The following TNRC18 variants were observed in gnomAD, a reference collection of about 807,000 sequenced individuals.
The protein encoded by TNRC18 is trinucleotide repeat-containing gene 18 protein.
In TNRC18, 69 loss-of-function variants were observed where a neutral mutation model predicts 226.7. The ratio of observed to expected loss-of-function variants is 0.30; its 90% confidence interval spans 0.25 to 0.37. TNRC18 has a LOEUF of 0.37. TNRC18 is among the 10% of genes least tolerant of loss of function. The pLI, the probability that TNRC18 is intolerant of heterozygous loss-of-function variation, is 1.00. For missense variants in TNRC18, 4,754 were observed against 4,256.6 expected (o/e 1.12, Z -3.25); for synonymous variants, 2,449 against 1,927.6 (o/e 1.27, Z -7.09).
intron 11 of TNRC18, among the ~76,000 whole-genome samples, chr7:5,368,707 G>A (rs1357470756): frequency 2.0e-5 from 3 of 151,694 alleles, no homozygotes; most frequent in Admixed American, 1.3e-4. Flanking sequence ...AAAAGGGCAG[G>A]GCAGGTTACA....
intron 21 of TNRC18, among the ~76,000 whole-genome samples, chr7:5,321,935 T>TTGATTGGGCTCAC (rs1444116809): frequency 6.6e-6 from 1 of 151,820 alleles, no homozygotes; most frequent in Non-Finnish European, 1.5e-5. Flanking sequence ...GCCTCCCAAG[T>TTGATTGGGCTCAC]ACTGGGATTA....
intron 15 of TNRC18, among the ~76,000 whole-genome samples, chr7:5,357,511 A>G (rs1032519185): frequency 1.3e-5 from 2 of 152,032 alleles, no homozygotes; most frequent in Non-Finnish European, 2.9e-5. Flanking sequence ...TCCCAGGTCC[A>G]AGCATTTCTC....
intron 2 of TNRC18, chr7:5,420,647 C>G (rs1030775896): frequency 6.0e-5 from 28 of 464,970 alleles, no homozygotes; most frequent in Middle Eastern, 3.2e-4. Context: ...GGCCCACGAG[C>G]GCCAAAAGTA....
chr7:5,343,347 G>A (rs903590328), intron 18 of TNRC18, among the ~76,000 whole-genome samples: 7 of 152,044 alleles, frequency 4.6e-5, no homozygotes, highest in Admixed American at 6.6e-5. Context: ...AAGCGAGACC[G>A]TATCTCAAAA....
At chr7:5,417,426 C>G (rs1053231691) in intron 2 of TNRC18, among the ~76,000 whole-genome samples, 1 of 152,068 alleles carries the variant, frequency 6.6e-6, no homozygotes, top group East Asian at 1.9e-4. Flanking sequence ...GCTGAGATCA[C>G]GCTATTGCAT....
chr7:5,320,692 A>G, intron 22 of TNRC18, 85 bp from the exon 23 acceptor site: 1 of 1,167,954 alleles, frequency 8.6e-7, no homozygotes, highest in South Asian at 1.4e-5. Flanking sequence ...ACTGCCTCCT[A>G]GACCACTGGG....
chr7:5,310,975 C>CATGCACGTGCATGG (rs975527135), intron 27 of TNRC18, among the ~76,000 whole-genome samples: 2 of 152,316 alleles, frequency 1.3e-5, no homozygotes, highest in Non-Finnish European at 2.9e-5. Context: ...TACTCGTGTG[C>CATGCACGTGCATGG]ATGCACGTGC....
chr7:5,398,266 G>A (rs993377292), intron 2 of TNRC18, among the ~76,000 whole-genome samples: 6 of 152,070 alleles, frequency 3.9e-5, no homozygotes, highest in African/African-American at 1.4e-4. Flanking sequence ...CGCCACCCGG[G>A]TTCAAGTGTT....
rs1452827108 is a variant in TNRC18 at position 5,388,631 on chromosome 7, C to T, written c.1193G>A (p.Arg398Gln). 10 of 1,277,982 alleles carry T rather than the reference C, an allele frequency of 7.8e-6. No individual in the cohort carries two copies. Among genetic ancestry groups the T allele is most frequent in the African/African-American group, 1.6e-5 (1 of 62,638 alleles). The allele number at this position is 1,277,982 out of a possible 1,614,324, so 79.2% of individuals were successfully genotyped here. The change falls in exon 5 of 30, where the codon CGG (arginine) becomes CAG (glutamine). Residue 398 changes from arginine to glutamine, a missense_variant. Physicochemically the swap from Arg to Gln is conservative, Grantham distance 43. Coordinates refer to ENST00000430969, the MANE Select transcript of TNRC18 (RefSeq NM_001080495.3). ...CCTGCCAGCCTCGCGCTCGCGGGCC[C>T]GGGCATCGCGCGCCTGGGATGCGAT... ...IQIASQARDARAREREAGRPG... is the reference protein window; with the variant it reads ...IQIASQARDAQAREREAGRPG...
At chr7:5,345,517 G>GGGGGGGGGCCCCCCCCCC in intron 18 of TNRC18, 45 bp downstream of exon 18, 1 of 377,738 alleles carries the variant, frequency 2.6e-6, no homozygotes, top group Non-Finnish European at 4.8e-6. Flanking sequence ...AATGGCGTCC[G>GGGGGGGGGCCCCCCCCCC]CCCCTCCCAC....
chr7:5,316,362 C>A (rs1179413403), intron 24 of TNRC18, among the ~76,000 whole-genome samples: 3 of 150,484 alleles, frequency 2.0e-5, no homozygotes, highest in African/African-American at 7.3e-5. Flanking sequence ...TCGCCGCAAC[C>A]TCCGCCTCCC....
At chr7:5,311,550 G>A (rs1191339499) in intron 27 of TNRC18, among the ~76,000 whole-genome samples, 3 of 152,172 alleles carry the variant, frequency 2.0e-5, no homozygotes, top group African/African-American at 7.2e-5. Flanking sequence ...GTCAGGCCCC[G>A]CACCTGGAAT....
chr7:5,340,457 T>C (rs1037078188), intron 18 of TNRC18, among the ~76,000 whole-genome samples: 8 of 152,004 alleles, frequency 5.3e-5, no homozygotes, highest in African/African-American at 1.2e-4. Flanking sequence ...AAGCTATCAG[T>C]TGGGCACGGT....
intron 5 of TNRC18, among the ~76,000 whole-genome samples, chr7:5,380,218 G>C (rs1220768869): frequency 2.6e-5 from 4 of 152,174 alleles, no homozygotes. Flanking sequence ...GGCCGAGGTG[G>C]GAGGATCACT....
At chr7:5,344,483 C>T (rs1240875529) in intron 18 of TNRC18, among the ~76,000 whole-genome samples, 1 of 152,142 alleles carries the variant, frequency 6.6e-6, no homozygotes, top group Non-Finnish European at 1.5e-5. Context: ...AGGGGGAAGG[C>T]AGGGTCTGGA....
chr7:5,403,889 T>TA (rs1310074437), intron 2 of TNRC18, among the ~76,000 whole-genome samples: 1 of 152,056 alleles, frequency 6.6e-6, no homozygotes, highest in Non-Finnish European at 1.5e-5. Context: ...GGAAAGGCAT[T>TA]ATTCTGGCCC....
rs748174908 is a variant in TNRC18 at position 5,332,988 on chromosome 7, C to G, written c.5781G>C (p.Ala1927=). The change falls in exon 19 of 30, where the codon GCG becomes GCC. Residue 1927 remains alanine, a synonymous_variant. Coordinates refer to ENST00000430969, the MANE Select transcript of TNRC18 (RefSeq NM_001080495.3). ...SEVKVRKRSP[A]GLLRPKKGLG... ...GCCCCTTCTTGGGCCGCAGCAGCCC[C>G]GCAGGCGACCGCTTGCGCACCTTGA... 1.1e-5 allele frequency: 18 copies of G among 1,571,742 alleles called. No homozygotes were observed. Among genetic ancestry groups the G allele is most frequent in the Non-Finnish European group, 1.5e-5 (18 of 1,167,098 alleles).
chr7:5,321,514 A>T (rs1487789901), intron 21 of TNRC18, among the ~76,000 whole-genome samples: 1 of 152,102 alleles, frequency 6.6e-6, no homozygotes, highest in Non-Finnish European at 1.5e-5. Context: ...TCCCACCTCA[A>T]GACCAGCAGC....
In TNRC18 at chr7:5,377,422, A is replaced by C; in HGVS notation, c.2410T>G (p.Trp804Gly). The C allele has an allele frequency of 6.3e-7, 1 of 1,578,632 alleles. No individual in the cohort carries two copies. The highest frequency in any genetic ancestry group is 8.6e-7 in the Non-Finnish European group (1 of 1,162,296). ...GATGCGTTGCCCGAGCGGGGCAACC[A>C]GGGGTGCGTGGCCAGATGGGCTGCG... is the stretch of plus-strand genomic sequence containing the variant. ...DPAAHLATHP[W>G]LPRSGNASMW... The change falls in exon 7 of 30, where the codon TGG becomes GGG. Residue 804 changes from tryptophan to glycine, a missense_variant. By Grantham distance (184) the Trp-to-Gly change is radical. Transcript: ENST00000430969. This position sits in a 1 kb window ranked among gnomAD's most constrained non-coding sequence, Gnocchi z 5.8.
Sources: gnomAD v4.1 joint callset for allele counts (sites outside exome capture counted in the v4.1 genomes callset) on GRCh38, gnomAD v4.1.1 for gene constraint, Gnocchi (gnomAD v3.1) non-coding constraint, MANE v1.5 for transcripts, NCBI Gene and HGNC (gene_info 2026-07-23, HGNC 2026-07-21) for gene names.